Variants in TEAD1 observed in about 807,000 individuals in gnomAD.
The protein encoded by TEAD1 is transcriptional enhancer factor TEF-1.
TEAD1 carries 9 observed loss-of-function variants against 54.9 expected under a neutral mutation model. The ratio of observed to expected loss-of-function variants is 0.16; its 90% CI spans 0.10 to 0.29. The LOEUF (loss-of-function observed/expected upper bound fraction) is 0.29. TEAD1 is among the 10% of genes least tolerant of loss of function. The probability of loss-of-function intolerance (pLI) is 1.00; values close to 1 mark genes in which losing one functional copy is unlikely to be tolerated. For missense variants in TEAD1, 387 were observed against 535.9 expected (o/e 0.72, Z 2.74); for synonymous variants, 200 against 187.8 (o/e 1.07, Z -0.53).
rs16911623 is a variant in TEAD1, at chr11:12,808,347, C to T, written c.202+43913C>T. Reference sequence around the variant, plus strand: ...AGGCGCCATTCCTGTGTTCTCAGCTCTACCCTTGAGCCTTCTCTAGTGGGG... The same window carrying T: ...AGGCGCCATTCCTGTGTTCTCAGCTTTACCCTTGAGCCTTCTCTAGTGGGG... On this transcript the variant is annotated intron_variant, in intron 3 of 12. Transcript: ENST00000527636. Among the ~76,000 whole-genome samples the T allele has an allele frequency of 9.6e-3, 1,458 of 152,264 alleles. 22 individuals are homozygous for T. Among genetic ancestry groups the T allele is most frequent in the African/African-American group, 0.032 (1,336 of 41,550 alleles).
At chr11:12,786,833 A>C (rs1945686680) in intron 3 of TEAD1, among the ~76,000 whole-genome samples, 1 of 152,172 alleles carries the variant, frequency 6.6e-6, no homozygotes, top group African/African-American at 2.4e-5. Context: ...GCAGGGAAGG[A>C]AGATAGGGAG....
intron 10 of TEAD1, among the ~76,000 whole-genome samples, chr11:12,921,680 G>A (rs1948810230): frequency 6.6e-6 from 1 of 152,216 alleles, no homozygotes; most frequent in South Asian, 2.1e-4. Context: ...GGCAGTGGCA[G>A]TTCTTGAAGG....
intron 3 of TEAD1, among the ~76,000 whole-genome samples, chr11:12,814,214 G>A (rs1256272151): frequency 6.6e-6 from 1 of 152,196 alleles, no homozygotes; most frequent in African/African-American, 2.4e-5. Context: ...CGAGGCCAGA[G>A]ACCACGCTCA....
chr11:12,931,339 A>T lies in TEAD1; in HGVS notation c.1167+1013A>T, dbSNP rs868233878. On this transcript the variant is annotated intron_variant, in intron 12 of 12. Transcript: ENST00000527636. ...GTAATGGGTTTCATAAGGCTCATTT[A>T]AAAAAGTAACATTACTTGATTAAAG... 4.0e-5 allele frequency among the ~76,000 whole-genome samples: 6 copies of T among 151,550 alleles called. No individual in the cohort carries two copies. In the South Asian group the frequency reaches 8.3e-4, roughly 21 times the overall value.
intron 2 of TEAD1, among the ~76,000 whole-genome samples, chr11:12,731,546 ATACT>A (rs1017274594): frequency 2.6e-4 from 40 of 152,296 alleles, no homozygotes; most frequent in Admixed American, 1.3e-3. Context: ...ATATCAATAA[ATACT>A]TACTGCAATT....
chr11:12,775,337 A>G (rs976679691), intron 3 of TEAD1, among the ~76,000 whole-genome samples: 9 of 152,190 alleles, frequency 5.9e-5, no homozygotes, highest in Non-Finnish European at 1.2e-4. Context: ...CCTCCGCAGC[A>G]TCAGAGGGAA....
In TEAD1 at chr11:12,732,939, G is replaced by A. The variant is rs951248186; in HGVS notation, c.-54-31240G>A. 3.3e-5 allele frequency among the ~76,000 whole-genome samples: 5 copies of A among 152,212 alleles called. No homozygotes were observed. The East Asian group carries it at 9.6e-4, about 29-fold the overall frequency. ...GGCTTGCAAAGCTAATACCTACTTA[G>A]GACTGATTACTCTTAGATCAGAGGA... On this transcript the variant is annotated intron_variant, in intron 2 of 12. Coordinates refer to ENST00000527636, the MANE Select transcript of TEAD1 (RefSeq NM_021961.6).
At chr11:12,676,147 C>G (rs561268571) in intron 2 of TEAD1, among the ~76,000 whole-genome samples, 1 of 152,332 alleles carries the variant, frequency 6.6e-6, no homozygotes, top group East Asian at 1.9e-4. Context: ...TGCCACATTT[C>G]AAAATAGTAA....
Position 12,880,991 on chromosome 11 carries a change from A to G in TEAD1, c.466-14A>G, listed in dbSNP as rs1947955095. 6.2e-7 allele frequency: 1 copy of G among 1,614,128 alleles called. No homozygotes were observed. The highest frequency in any genetic ancestry group is 8.5e-7 in the Non-Finnish European group (1 of 1,180,006). On this transcript the variant is annotated splice_polypyrimidine_tract_variant and intron_variant, in intron 6 of 12. Coordinates refer to ENST00000527636, the MANE Select transcript of TEAD1 (RefSeq NM_021961.6). ...AAACTCGTAATTCTGAGGCCTTTGC[A>G]TTTTGCCTTCCAGTTCTGGCCGGGA... is the stretch of plus-strand genomic sequence containing the variant.
At chr11:12,739,269 T>C (rs1358748973) in intron 2 of TEAD1, among the ~76,000 whole-genome samples, 1 of 152,210 alleles carries the variant, frequency 6.6e-6, no homozygotes, top group East Asian at 1.9e-4. Context: ...GTCATCTATC[T>C]ACAATCTTTT....
rs192693151 is a variant in TEAD1 at position 12,878,428 on chromosome 11, C to G, written c.331-1280C>G. Among the ~76,000 whole-genome samples the G allele has an allele frequency of 5.8e-4, 88 of 152,232 alleles. 1 individual carries two copies. The highest frequency in any genetic ancestry group is 2.1e-3 in the African/African-American group (88 of 41,528). ...ACGTTCCCTGGAGGTGGAAAGCACT[C>G]TTTTTATTTTGATGTCACCATTTTG... On this transcript the variant is annotated intron_variant, in intron 5 of 12. Transcript: ENST00000527636.
chr11:12,683,725 C>T (rs988977295), intron 2 of TEAD1, among the ~76,000 whole-genome samples: 1 of 152,054 alleles, frequency 6.6e-6, no homozygotes, highest in African/African-American at 2.4e-5. Context: ...TAATGGGCTA[C>T]TACAGATTTG....
chr11:12,750,374 TAAACA>T (rs1944845713), intron 2 of TEAD1, among the ~76,000 whole-genome samples: 2 of 152,172 alleles, frequency 1.3e-5, no homozygotes, highest in African/African-American at 4.8e-5. Context: ...CTGGGTTGTT[TAAACA>T]AACACACCTT....
chr11:12,875,620 G>C (rs1417014674), intron 5 of TEAD1, among the ~76,000 whole-genome samples: 1 of 152,230 alleles, frequency 6.6e-6, no homozygotes, highest in Non-Finnish European at 1.5e-5. Flanking sequence ...AGTAGTCAGA[G>C]TAGCTCGACC....
chr11:12,852,497 G>C (rs922946240), intron 3 of TEAD1, among the ~76,000 whole-genome samples: 1 of 150,580 alleles, frequency 6.6e-6, no homozygotes, highest in Non-Finnish European at 1.5e-5. Flanking sequence ...GCCCAGGCTG[G>C]AGTGCAGCGG....
chr11:12,708,858 A>T (rs1262342628), intron 2 of TEAD1, among the ~76,000 whole-genome samples: 1 of 152,218 alleles, frequency 6.6e-6, no homozygotes, highest in Non-Finnish European at 1.5e-5. Context: ...GAATAGTGTG[A>T]TCCTATTTTC....
chr11:12,766,017 T>G (rs1384458521), intron 3 of TEAD1, among the ~76,000 whole-genome samples: 1 of 152,212 alleles, frequency 6.6e-6, no homozygotes, highest in African/African-American at 2.4e-5. Flanking sequence ...TGAAGATGAT[T>G]TTATTATGGG....
rs147249309 is a variant in TEAD1, at chr11:12,688,243, CTG to C, written c.-55+12685_-55+12686del. 7.5e-3 allele frequency among the ~76,000 whole-genome samples: 1,139 copies of C among 152,264 alleles called. 14 individuals carry two copies. Among genetic ancestry groups the C allele is most frequent in the African/African-American group, 0.026 (1,080 of 41,536 alleles). On this transcript the variant is annotated intron_variant, in intron 2 of 12. Coordinates refer to ENST00000527636, the MANE Select transcript of TEAD1 (RefSeq NM_021961.6). ...GGGGCAGCTGGCAGAAGAGAGTTAA[CTG>C]TGCTTGCCCAGAGCCCTTCATAATC...
intron 11 of TEAD1, among the ~76,000 whole-genome samples, chr11:12,925,449 C>G (rs1211185042): frequency 6.6e-6 from 1 of 152,180 alleles, no homozygotes; most frequent in East Asian, 1.9e-4. Flanking sequence ...CCACCTGCCA[C>G]CAGGCCCCTC....
Sources: gnomAD v4.1 joint callset for allele counts (sites outside exome capture counted in the v4.1 genomes callset) on GRCh38, gnomAD v4.1.1 for gene constraint, MANE v1.5 for transcripts, NCBI Gene and HGNC (gene_info 2026-07-23, HGNC 2026-07-21) for gene names.